Variants in ARHGEF2 observed in about 807,000 individuals in gnomAD.
The protein encoded by ARHGEF2 is rho guanine nucleotide exchange factor 2.
A neutral mutation model predicts 121.0 loss-of-function variants in ARHGEF2; 22 were observed. That is an observed-to-expected ratio of 0.18 (90% CI 0.13 to 0.26). The LOEUF (loss-of-function observed/expected upper bound fraction) is 0.26. Ranked by LOEUF, ARHGEF2 falls within the 10% of genes least tolerant of loss-of-function variation. The pLI is 1.00. For synonymous variants in ARHGEF2, 487 were observed against 530.0 expected (o/e 0.92, Z 1.11); for missense variants, 907 against 1,336.0 (o/e 0.68, Z 5.01).
chr1:155,948,384 C>A (rs1339597733), intron 21 of ARHGEF2, among the ~76,000 whole-genome samples: 5 of 152,178 alleles, frequency 3.3e-5, no homozygotes, highest in African/African-American at 1.2e-4. Context: ...AATCCTAACA[C>A]TTTGGGAGGC....
Position 155,965,421 on chromosome 1 carries a change from A to G in ARHGEF2, c.471-9T>C. 6.2e-7 allele frequency: 1 copy of G among 1,613,326 alleles called. No homozygotes were observed. Among genetic ancestry groups the G allele is most frequent in the Non-Finnish European group, 8.5e-7 (1 of 1,179,262 alleles). ...ACTCATCATTGAAATGTCTGAAGAA[A>G]GTGGAGGCTGTCTGCATCACCCCCA... is the stretch of plus-strand genomic sequence containing the variant. On this transcript the variant is annotated splice_polypyrimidine_tract_variant and intron_variant, in intron 5 of 21. Transcript: ENST00000361247. This position sits in a 1 kb window ranked among gnomAD's most constrained non-coding sequence, Gnocchi z 6.0.
rs950330169 is a variant in ARHGEF2, at chr1:155,947,926, G to C, written c.*16C>G. 5.2e-6 allele frequency: 8 copies of C among 1,528,512 alleles called. No individual in the cohort carries two copies. The highest frequency in any genetic ancestry group is 7.1e-6 in the Non-Finnish European group (8 of 1,127,912). 94.7% of individuals were successfully genotyped at this position (1,528,512 alleles called of 1,614,324 possible). On this transcript the variant is annotated 3_prime_UTR_variant, in exon 22 of 22. Coordinates refer to ENST00000361247, the MANE Select transcript of ARHGEF2 (RefSeq NM_001162383.2). ...ATGTTCTTCAGTGGGGCACGGGGCA[G>C]GGGGGAGGGGCCCCCTTAGCTCTCG...
chr1:155,957,695 C>CGGCA lies in ARHGEF2; in HGVS notation c.1715+14_1715+17dup. On this transcript the variant is annotated intron_variant, in intron 13 of 21. Coordinates refer to ENST00000361247, the MANE Select transcript of ARHGEF2 (RefSeq NM_001162383.2). Reference sequence around the variant, plus strand: ...CCCTGAGGTCATAAGCACATGCAGGCGGCAGGCAGACACTCACGTGCGCAC... The same window carrying CGGCA: ...CCCTGAGGTCATAAGCACATGCAGGCGGCAGGCAGGCAGACACTCACGTGCGCAC... 1 of 1,596,306 alleles carries CGGCA rather than the reference C, an allele frequency of 6.3e-7. No homozygotes were observed. Among genetic ancestry groups the CGGCA allele is most frequent in the South Asian group, 1.1e-5 (1 of 88,804 alleles).
In ARHGEF2 at chr1:155,962,765, C is replaced by T. The variant is rs777410611; in HGVS notation, c.976-47G>A. ...TTAGGTCAGCATTCCCCCAAAGCCACACTTTACCCACTGGACACACCTCTG... is the reference window on the plus strand; with the variant it reads ...TTAGGTCAGCATTCCCCCAAAGCCATACTTTACCCACTGGACACACCTCTG... On this transcript the variant is annotated intron_variant, in intron 8 of 21. Transcript: ENST00000361247. The surrounding 1 kb of genome is among the most constrained non-coding windows in gnomAD (Gnocchi z 5.8). 6.2e-7 allele frequency: 1 copy of T among 1,611,482 alleles called. No individual in the cohort carries two copies. Among genetic ancestry groups the T allele is most frequent in the Admixed American group, 1.7e-5 (1 of 59,868 alleles).
chr1:155,951,948 A>G lies in ARHGEF2; in HGVS notation c.2143T>C (p.Cys715Arg), dbSNP rs746140020. Residue 715 changes from cysteine (C) to arginine (R), a missense_variant, in exon 17 of 22, where the codon TGC becomes CGC. Transcript: ENST00000361247. The surrounding 1 kb of genome is among the most constrained non-coding windows in gnomAD (Gnocchi z 5.1). ...TGGCTAGAGTCTGAGTCAGCTCTGC[A>G]GAGTTCAATGGAGCCATTGAAGGTT... The part of the protein sequence containing the change: ...ARTFNGSIEL[C>R]RADSDSSQRD... 2.5e-6 allele frequency: 4 copies of G among 1,614,100 alleles called. No homozygotes were observed. Among genetic ancestry groups the G allele is most frequent in the Non-Finnish European group, 3.4e-6 (4 of 1,180,014 alleles).
In ARHGEF2 at chr1:155,978,213, C is replaced by G. The variant is rs1681674636; in HGVS notation, c.63+152G>C. 2 of 1,306,660 alleles carry G rather than the reference C, an allele frequency of 1.5e-6. No homozygotes were observed. The highest frequency in any genetic ancestry group is 2.0e-6 in the Non-Finnish European group (2 of 1,014,538). 80.9% of individuals were successfully genotyped at this position (1,306,660 alleles called of 1,614,324 possible). On this transcript the variant is annotated intron_variant, in intron 1 of 21. Coordinates refer to ENST00000361247, the MANE Select transcript of ARHGEF2 (RefSeq NM_001162383.2). This position sits in a 1 kb window ranked among gnomAD's most constrained non-coding sequence, Gnocchi z 4.1. ...ACCCCTACCCACTCGCTCGCAGTCCCCACCCACCCCGTCCCGCCGCTCGCC... is the reference window on the plus strand; with the variant it reads ...ACCCCTACCCACTCGCTCGCAGTCCGCACCCACCCCGTCCCGCCGCTCGCC...
chr1:155,978,619 A>G (rs1327516241), upstream of ARHGEF2: 7 of 1,242,040 alleles, frequency 5.6e-6, no homozygotes, highest in South Asian at 2.9e-5. The surrounding 1 kb of genome is among the most constrained non-coding windows in gnomAD (Gnocchi z 4.1). Context: ...GGAAGGGGGT[A>G]GGCGGAGCGG....
Position 155,962,220 on chromosome 1 carries a change from T to C in ARHGEF2, c.1104A>G (p.Lys368=). The change falls in exon 10 of 22, where the codon AAA becomes AAG. Residue 368 remains lysine, a splice_region_variant and synonymous_variant. Coordinates refer to ENST00000361247, the MANE Select transcript of ARHGEF2 (RefSeq NM_001162383.2). The surrounding 1 kb of genome is among the most constrained non-coding windows in gnomAD (Gnocchi z 5.8). The part of the protein sequence containing the change: ...RDKRFQQFIR[K]VTRPAVLKRH... ...GCTTGAGCACGGCGGGGCGGGTCACTTTCTACAAGGGAGGAGGCAGGGCTC... is the reference window on the plus strand; with the variant it reads ...GCTTGAGCACGGCGGGGCGGGTCACCTTCTACAAGGGAGGAGGCAGGGCTC... 1.2e-6 allele frequency: 2 copies of C among 1,613,786 alleles called. No individual in the cohort carries two copies. Among genetic ancestry groups the C allele is most frequent in the Non-Finnish European group, 1.7e-6 (2 of 1,179,894 alleles).
At chr1:155,975,966 G>A (rs1291987834) in intron 1 of ARHGEF2, among the ~76,000 whole-genome samples, 3 of 152,124 alleles carry the variant, frequency 2.0e-5, no homozygotes, top group Non-Finnish European at 4.4e-5. Flanking sequence ...GACAGCCTGG[G>A]AGAACAGAAA....
intron 14 of ARHGEF2, among the ~76,000 whole-genome samples, chr1:155,953,511 G>A (rs1005368682): frequency 6.6e-6 from 1 of 151,842 alleles, no homozygotes; most frequent in Non-Finnish European, 1.5e-5. Context: ...GCTGGGCATG[G>A]CAGGTGGATC....
rs117297917 is a variant in ARHGEF2, at chr1:155,958,172, G to T, written c.1545+148C>A. ...TGCACAGTAACAGTACCTGTGAGCT[G>T]CTCTTATTTTTTATTATTACGGTAA... On this transcript the variant is annotated intron_variant, in intron 12 of 21. Transcript: ENST00000361247. The T allele has an allele frequency of 5.4e-4, 368 of 683,328 alleles. 2 individuals are homozygous for T. The East Asian group carries it at 8.4e-3, about 16-fold the overall frequency. The allele number at this position is 683,328 out of a possible 1,614,324, so 42.3% of individuals were successfully genotyped here.
intron 1 of ARHGEF2, 24 bp from the exon 2 acceptor site, chr1:155,969,324 G>C: frequency 6.2e-7 from 1 of 1,612,672 alleles, no homozygotes; most frequent in East Asian, 2.2e-5. Context: ...GAGAGGGAGA[G>C]GAAGTGAGGC....
chr1:155,964,490 G>T (rs1322165945), intron 7 of ARHGEF2, among the ~76,000 whole-genome samples: 1 of 151,968 alleles, frequency 6.6e-6, no homozygotes, highest in African/African-American at 2.4e-5. Flanking sequence ...TGAAGACAGA[G>T]ATAAAGAAGG....
intron 11 of ARHGEF2, among the ~76,000 whole-genome samples, chr1:155,959,817 G>T (rs929646687): frequency 6.6e-6 from 1 of 152,194 alleles, no homozygotes; most frequent in Non-Finnish European, 1.5e-5. Flanking sequence ...CCAAAGTGCT[G>T]AGATTATAGG....
chr1:155,957,983 T>A (rs1432112374), intron 12 of ARHGEF2, 101 bp from the exon 13 acceptor site: 6 of 1,259,254 alleles, frequency 4.8e-6, no homozygotes, highest in Non-Finnish European at 6.5e-6. Flanking sequence ...GACTGAAGAG[T>A]CATCTTACAA....
In ARHGEF2 at chr1:155,978,023, C is replaced by T. The variant is rs1163881561; in HGVS notation, c.63+342G>A. The T allele has an allele frequency of 2.0e-6, 2 of 1,024,100 alleles. No individual in the cohort carries two copies. The highest frequency in any genetic ancestry group is 4.5e-5 in the South Asian group (1 of 22,368). 63.4% of individuals were successfully genotyped at this position (1,024,100 alleles called of 1,614,324 possible). ...GAGGTGCCGGAGCTTCCACCGCCCCCACCCGCGAGACACACACCTCCCTCT... is the reference window on the plus strand; with the variant it reads ...GAGGTGCCGGAGCTTCCACCGCCCCTACCCGCGAGACACACACCTCCCTCT... On this transcript the variant is annotated intron_variant, in intron 1 of 21. Coordinates refer to ENST00000361247, the MANE Select transcript of ARHGEF2 (RefSeq NM_001162383.2). The surrounding 1 kb of genome is among the most constrained non-coding windows in gnomAD (Gnocchi z 4.1).
In ARHGEF2 at chr1:155,961,571, G is replaced by A. The variant is rs917218019; in HGVS notation, c.1468+90C>T. 25 of 1,534,400 alleles carry A rather than the reference G, an allele frequency of 1.6e-5. No individual in the cohort carries two copies. Among genetic ancestry groups the A allele is most frequent in the Admixed American group, 7.2e-5 (4 of 55,462 alleles). ...TTACAGGCGTTGAGCCACTGCACCC[G>A]GCCAAGAGAGGTTGATTCTAAGACC... On this transcript the variant is annotated intron_variant, in intron 11 of 21. Transcript: ENST00000361247. This position sits in a 1 kb window ranked among gnomAD's most constrained non-coding sequence, Gnocchi z 4.7.
In ARHGEF2 at chr1:155,950,699, G is replaced by A; in HGVS notation, c.2703+130C>T. 2 of 1,070,304 alleles carry A rather than the reference G, an allele frequency of 1.9e-6. No homozygotes were observed. The highest frequency in any genetic ancestry group is 1.5e-5 in the South Asian group (1 of 64,746). The allele number at this position is 1,070,304 out of a possible 1,614,324, so 66.3% of individuals were successfully genotyped here. On this transcript the variant is annotated intron_variant, in intron 20 of 21. Coordinates refer to ENST00000361247, the MANE Select transcript of ARHGEF2 (RefSeq NM_001162383.2). This position sits in a 1 kb window ranked among gnomAD's most constrained non-coding sequence, Gnocchi z 5.2. ...ACATTTCTTTTCAGTTCTCCAACCA[G>A]TATCTCAATATCCTTCAAGTCAGTT...
chr1:155,964,144 CAAAAAAAAA>C lies in ARHGEF2; in HGVS notation c.724+835_724+843del, dbSNP rs71576039. ...TGGGCGACAGAGCAAGACTCTGCTT[CAAAAAAAAA>C]AAAAAAAAAAAAAAATATATATATA... is the stretch of plus-strand genomic sequence containing the variant. On this transcript the variant is annotated intron_variant, in intron 7 of 21. Transcript: ENST00000361247. Among the ~76,000 whole-genome samples, 12 of 55,764 alleles carry C rather than the reference CAAAAAAAAA, an allele frequency of 2.2e-4. No individual in the cohort carries two copies. The East Asian group carries it at 7.3e-3, about 34-fold the overall frequency. The allele number at this position is 55,764 out of a possible 152,430, so 36.6% of individuals were successfully genotyped here. A position where few individuals can be genotyped will look rare whatever the true frequency, so the allele number is the denominator to read the frequency against.
Sources: allele counts gnomAD v4.1 joint callset (sites outside exome capture counted in the v4.1 genomes callset), GRCh38; gene constraint gnomAD v4.1.1; non-coding constraint Gnocchi (gnomAD v3.1); transcripts MANE v1.5; gene names NCBI Gene and HGNC (gene_info 2026-07-23, HGNC 2026-07-21).